The following SASS6 variants were observed in gnomAD, a reference collection of about 807,000 sequenced individuals.
The protein encoded by SASS6 is spindle assembly abnormal protein 6 homolog.
In SASS6, 59 loss-of-function variants were observed where a neutral mutation model predicts 94.9. The ratio of observed to expected loss-of-function variants is 0.62; its 90% CI spans 0.50 to 0.77. SASS6 has a LOEUF of 0.77. Ranked by LOEUF, SASS6 falls within the 30% of genes least tolerant of loss-of-function variation. The pLI is 0.00. For missense variants in SASS6, 698 were observed against 734.1 expected, an observed-to-expected ratio of 0.95 and a Z score of 0.57; for synonymous variants, 264 against 270.0, an observed-to-expected ratio of 0.98 and a Z score of 0.22.
intron 7 of SASS6, among the ~76,000 whole-genome samples, chr1:100,115,690 T>C (rs1459704793): frequency 6.6e-6 from 1 of 152,088 alleles, no homozygotes; most frequent in African/African-American, 2.4e-5. Flanking sequence ...TCAGCCGGTG[T>C]GGTGACACAT....
intron 14 of SASS6, 140 bp from the exon 15 acceptor site, chr1:100,088,376 A>T: frequency 1.9e-6 from 1 of 517,826 alleles, no homozygotes; most frequent in Non-Finnish European, 3.5e-6. Flanking sequence ...CTGCAGTCCC[A>T]ATCTCCTGGG....
chr1:100,115,649 G>A (rs1339307058), intron 7 of SASS6, among the ~76,000 whole-genome samples: 1 of 152,074 alleles, frequency 6.6e-6, no homozygotes, highest in African/African-American at 2.4e-5. Context: ...GCAACATAGT[G>A]AAACCCCATC....
chr1:100,095,963 G>A (rs688123), intron 14 of SASS6, among the ~76,000 whole-genome samples: 1,565 of 152,240 alleles, frequency 0.01, 32 homozygotes, highest in African/African-American at 0.036. Flanking sequence ...ACACAATACT[G>A]CCAAAACAGC....
chr1:100,109,156 T>C (rs1420098709), intron 8 of SASS6, among the ~76,000 whole-genome samples: 1 of 152,080 alleles, frequency 6.6e-6, no homozygotes, highest in Admixed American at 6.6e-5. Context: ...ACTACCAATG[T>C]ACCATGAAGG....
chr1:100,113,698 G>T (rs1286922777), intron 7 of SASS6, among the ~76,000 whole-genome samples: 1 of 150,222 alleles, frequency 6.7e-6, no homozygotes, highest in Non-Finnish European at 1.5e-5. Flanking sequence ...GGGAGAAACA[G>T]TGTAGAACTA....
At chr1:100,103,255 G>A (rs1652641180) in intron 13 of SASS6, among the ~76,000 whole-genome samples, 172 bp from the exon 14 acceptor site, 1 of 152,110 alleles carries the variant, frequency 6.6e-6, no homozygotes, top group African/African-American at 2.4e-5. Flanking sequence ...CTACCATGGG[G>A]CTAGGATAAC....
At chr1:100,091,703 G>C (rs1299586156) in intron 14 of SASS6, among the ~76,000 whole-genome samples, 1 of 147,704 alleles carries the variant, frequency 6.8e-6, no homozygotes, top group South Asian at 2.1e-4. Flanking sequence ...GAATGGGCTT[G>C]ATAGTAGAAT....
chr1:100,086,799 GC>G (rs1339139976), intron 15 of SASS6, among the ~76,000 whole-genome samples: 1 of 151,444 alleles, frequency 6.6e-6, no homozygotes, highest in Non-Finnish European at 1.5e-5. Flanking sequence ...TCCTGCCTCA[GC>G]CTCCCATGTA....
chr1:100,119,539 C>T (rs770678263), intron 6 of SASS6, among the ~76,000 whole-genome samples: 1 of 152,120 alleles, frequency 6.6e-6, no homozygotes, highest in African/African-American at 2.4e-5. Context: ...TATCAGATAC[C>T]GATATAGTTA....
chr1:100,117,687 A>G (rs1653901779), intron 7 of SASS6, among the ~76,000 whole-genome samples: 2 of 151,922 alleles, frequency 1.3e-5, no homozygotes, highest in South Asian at 4.1e-4. Flanking sequence ...AACCACACAG[A>G]AAAAGGGATG....
intron 3 of SASS6, 85 bp downstream of exon 3, chr1:100,123,125 G>T: frequency 1.6e-6 from 1 of 619,274 alleles, no homozygotes; most frequent in Non-Finnish European, 2.9e-6. Flanking sequence ...TAATATGTAG[G>T]TATGTGTTTG....
intron 7 of SASS6, among the ~76,000 whole-genome samples, chr1:100,116,582 G>T (rs922330039): frequency 2.6e-5 from 4 of 152,128 alleles, no homozygotes; most frequent in African/African-American, 7.2e-5. Flanking sequence ...ATAAGTACAA[G>T]AATGTTAATA....
At chr1:100,113,676 TA>T (rs1409544259) in intron 7 of SASS6, among the ~76,000 whole-genome samples, 1 of 149,846 alleles carries the variant, frequency 6.7e-6, no homozygotes, top group Non-Finnish European at 1.5e-5. Context: ...AAATAGAAAT[TA>T]ACGAAATAGG....
rs369304765 is a variant in SASS6 at position 100,094,768 on chromosome 1, C to T, written c.1675-6532G>A. On this transcript the variant is annotated intron_variant, in intron 14 of 16. Coordinates refer to ENST00000287482, the MANE Select transcript of SASS6 (RefSeq NM_194292.3). ...GTAGTCCCAGCTACTCGGGAGGCTG[C>T]GGCAGAAGAATCGCTGGAACCCAGG... is the stretch of plus-strand genomic sequence containing the variant. 4.0e-5 allele frequency among the ~76,000 whole-genome samples: 6 copies of T among 150,616 alleles called. No individual in the cohort carries two copies. The East Asian group carries it at 9.8e-4, about 25-fold the overall frequency.
At position 100,107,731 on chromosome 1, in the gene SASS6, T is replaced by C; in HGVS notation, c.1057-14A>G. 2.5e-6 allele frequency: 4 copies of C among 1,572,486 alleles called. No homozygotes were observed. Among genetic ancestry groups the C allele is most frequent in the Non-Finnish European group, 3.5e-6 (4 of 1,150,082 alleles). ...TTCTAAAACCACCTGATATATTTTT[T>C]AAAAACATGAATAATTAGGGCATTT... On this transcript the variant is annotated splice_polypyrimidine_tract_variant and intron_variant, in intron 9 of 16. Coordinates refer to ENST00000287482, the MANE Select transcript of SASS6 (RefSeq NM_194292.3).
intron 15 of SASS6, among the ~76,000 whole-genome samples, chr1:100,086,122 GAA>G (rs1403092640): frequency 7.1e-6 from 1 of 141,566 alleles, no homozygotes; most frequent in Middle Eastern, 3.4e-3. Flanking sequence ...GGGGGAGAAA[GAA>G]GGGCATTTCT....
At chr1:100,129,865 C>T (rs560531683) in intron 1 of SASS6, among the ~76,000 whole-genome samples, 2 of 152,276 alleles carry the variant, frequency 1.3e-5, no homozygotes, top group African/African-American at 4.8e-5. Context: ...GATGAAGTTC[C>T]CTGATCATTA....
intron 7 of SASS6, 133 bp from the exon 8 acceptor site, chr1:100,110,616 TTTC>T (rs1557888192): frequency 4.1e-6 from 2 of 485,766 alleles, no homozygotes; most frequent in Non-Finnish European, 7.0e-6. Flanking sequence ...TTTTGTCATC[TTTC>T]TTTAGATCCC....
chr1:100,105,987 AG>A, intron 12 of SASS6, 84 bp from the exon 13 acceptor site: 1 of 910,306 alleles, frequency 1.1e-6, no homozygotes, highest in Non-Finnish European at 1.5e-6. Context: ...AATTATATTA[AG>A]ATTTTTAAAT....
Sources: allele counts gnomAD v4.1 joint callset (sites outside exome capture counted in the v4.1 genomes callset), GRCh38; gene constraint gnomAD v4.1.1; transcripts MANE v1.5; gene names NCBI Gene and HGNC (gene_info 2026-07-23, HGNC 2026-07-21).